Variants in LDLRAD3 observed in about 807,000 individuals in gnomAD.
LDLRAD3 encodes the protein low density lipoprotein receptor class A domain containing 3.
A neutral mutation model predicts 29.4 loss-of-function variants in LDLRAD3; 20 were observed. That is an observed-to-expected ratio of 0.68 (90% confidence interval 0.48 to 0.99). The LOEUF (loss-of-function observed/expected upper bound fraction) is 0.99, where lower values mean the gene tolerates loss of function less well. Ranked by LOEUF, LDLRAD3 falls within the 50% of genes least tolerant of loss-of-function variation. The probability of loss-of-function intolerance (pLI) is 0.00; values close to 1 mark genes in which losing one functional copy is unlikely to be tolerated. For synonymous variants in LDLRAD3, 157 were observed against 192.7 expected, an observed-to-expected ratio of 0.81 and a Z score of 1.53; for missense variants, 420 against 454.3, an observed-to-expected ratio of 0.92 and a Z score of 0.69.
At chr11:35,976,528 C>G (rs1565136835) in intron 1 of LDLRAD3, among the ~76,000 whole-genome samples, 1 of 152,142 alleles carries the variant, frequency 6.6e-6, no homozygotes, top group Non-Finnish European at 1.5e-5. Context: ...TCTGGAAACA[C>G]AGACATAGAC....
chr11:36,051,964 C>A (rs535797920), intron 2 of LDLRAD3, among the ~76,000 whole-genome samples: 1 of 151,182 alleles, frequency 6.6e-6, no homozygotes, highest in Non-Finnish European at 1.5e-5. Context: ...TGAAAAGCTG[C>A]TGGAATAGAA....
chr11:36,159,626 A>AAAT (rs1554969666), intron 4 of LDLRAD3, among the ~76,000 whole-genome samples: 1 of 64,152 alleles, frequency 1.6e-5, no homozygotes, highest in African/African-American at 4.5e-5. Context: ...AAAAAAAAAA[A>AAAT]GCCAGATGTG....
intron 1 of LDLRAD3, among the ~76,000 whole-genome samples, chr11:35,963,045 C>G (rs1851297086): frequency 6.6e-6 from 1 of 152,198 alleles, no homozygotes; most frequent in African/African-American, 2.4e-5. Flanking sequence ...TATATGGTGA[C>G]AGTCAGTCAC....
intron 4 of LDLRAD3, among the ~76,000 whole-genome samples, chr11:36,191,552 C>CTCTCTCTT (rs1854944583): frequency 1.3e-4 from 8 of 62,404 alleles, no homozygotes; most frequent in African/African-American, 5.2e-4. Context: ...CTCTCTCTCT[C>CTCTCTCTT]TCTCTCTCTC....
At chr11:36,140,127 G>A (rs1854060296) in intron 4 of LDLRAD3, among the ~76,000 whole-genome samples, 1 of 152,212 alleles carries the variant, frequency 6.6e-6, no homozygotes, top group Admixed American at 6.5e-5. Flanking sequence ...GTCTTGGAAA[G>A]CTGTGTTTGT....
intron 4 of LDLRAD3, among the ~76,000 whole-genome samples, chr11:36,147,814 G>C (rs79457155): frequency 6.6e-6 from 1 of 152,082 alleles, no homozygotes; most frequent in Non-Finnish European, 1.5e-5. Context: ...ACCAGCTTGA[G>C]TCTTTATTGC....
intron 4 of LDLRAD3, among the ~76,000 whole-genome samples, chr11:36,105,893 C>T (rs1358710146): frequency 6.6e-6 from 1 of 152,176 alleles, no homozygotes; most frequent in Non-Finnish European, 1.5e-5. Flanking sequence ...AGAAGTCACA[C>T]TTAAGCAAGG....
intron 4 of LDLRAD3, among the ~76,000 whole-genome samples, chr11:36,200,377 G>A (rs976983908): frequency 6.6e-6 from 1 of 152,082 alleles, no homozygotes; most frequent in Admixed American, 6.5e-5. Flanking sequence ...ATCCTAGCAT[G>A]GGGGTCCCAC....
At chr11:36,141,963 C>CT (rs1354989272) in intron 4 of LDLRAD3, among the ~76,000 whole-genome samples, 5 of 152,166 alleles carry the variant, frequency 3.3e-5, no homozygotes, top group Non-Finnish European at 5.9e-5. Flanking sequence ...AGGTTGTTTT[C>CT]TTTTTTTTCC....
chr11:35,946,035 G>A (rs1199619358), intron 1 of LDLRAD3, among the ~76,000 whole-genome samples: 1 of 152,200 alleles, frequency 6.6e-6, no homozygotes, highest in Non-Finnish European at 1.5e-5. Flanking sequence ...GCAGGTTGGA[G>A]TGTGTGCATC....
intron 1 of LDLRAD3, among the ~76,000 whole-genome samples, chr11:35,988,652 T>C (rs1851644581): frequency 6.6e-6 from 1 of 151,912 alleles, no homozygotes; most frequent in African/African-American, 2.4e-5. Context: ...GGTGCGATCT[T>C]GGCCCATTGC....
rs1014301087 is a variant in LDLRAD3 at position 35,944,840 on chromosome 11, G to T, written c.46+696G>T. Among the ~76,000 whole-genome samples, 1 of 152,256 alleles carries T rather than the reference G, an allele frequency of 6.6e-6. No individual in the cohort carries two copies. Among genetic ancestry groups the T allele is most frequent in the Non-Finnish European group, 1.5e-5 (1 of 68,048 alleles). On this transcript the variant is annotated intron_variant, in intron 1 of 5. Coordinates refer to ENST00000315571, the MANE Select transcript of LDLRAD3 (RefSeq NM_174902.4). The surrounding 1 kb of genome is among the most constrained non-coding windows in gnomAD (Gnocchi z 4.9). ...CGAGGGGCCCTGGGAGAGGACACGGGGCTTCATCCGGCGGCCCTTTGAACC... is the reference window on the plus strand; with the variant it reads ...CGAGGGGCCCTGGGAGAGGACACGGTGCTTCATCCGGCGGCCCTTTGAACC...
chr11:36,102,840 C>A (rs1853470010), intron 4 of LDLRAD3, among the ~76,000 whole-genome samples: 1 of 152,106 alleles, frequency 6.6e-6, no homozygotes, highest in East Asian at 1.9e-4. Context: ...GGGTCGGCGG[C>A]ACTCAGGTGG....
intron 1 of LDLRAD3, among the ~76,000 whole-genome samples, chr11:35,990,028 G>C (rs1197354729): frequency 6.6e-6 from 1 of 152,096 alleles, no homozygotes; most frequent in Non-Finnish European, 1.5e-5. Flanking sequence ...GGTTTACTTA[G>C]AGTTATACAG....
chr11:36,066,174 T>C (rs531169039), intron 2 of LDLRAD3, among the ~76,000 whole-genome samples: 2 of 151,848 alleles, frequency 1.3e-5, no homozygotes, highest in Non-Finnish European at 1.5e-5. Flanking sequence ...TTTTTTTTTT[T>C]CTTACTTTTT....
intron 1 of LDLRAD3, among the ~76,000 whole-genome samples, chr11:36,006,715 T>C (rs966604794): frequency 3.3e-5 from 5 of 152,348 alleles, no homozygotes; most frequent in Middle Eastern, 3.4e-3. Context: ...ATGGTGGTGG[T>C]GAACAATCCC....
chr11:35,990,002 A>G (rs1565146313), intron 1 of LDLRAD3, among the ~76,000 whole-genome samples: 1 of 152,088 alleles, frequency 6.6e-6, no homozygotes, highest in Non-Finnish European at 1.5e-5. Flanking sequence ...CCTCTTAGCT[A>G]GTAGTTTGGG....
intron 1 of LDLRAD3, among the ~76,000 whole-genome samples, chr11:35,979,763 G>A (rs1168536617): frequency 6.6e-6 from 1 of 152,216 alleles, no homozygotes; most frequent in Non-Finnish European, 1.5e-5. Flanking sequence ...GTTGCTCCGT[G>A]TTGAGAGATG....
intron 4 of LDLRAD3, among the ~76,000 whole-genome samples, chr11:36,142,488 T>A (rs1194704528): frequency 6.6e-6 from 1 of 152,230 alleles, no homozygotes; most frequent in Non-Finnish European, 1.5e-5. Flanking sequence ...GAAGTCTGGA[T>A]GTCCTCAACC....
Sources: gnomAD v4.1 joint callset for allele counts (sites outside exome capture counted in the v4.1 genomes callset) on GRCh38, gnomAD v4.1.1 for gene constraint, Gnocchi (gnomAD v3.1) non-coding constraint, MANE v1.5 for transcripts, NCBI Gene and HGNC (gene_info 2026-07-23, HGNC 2026-07-21) for gene names.